CNBD1: variants seen among roughly 807,000 people sequenced by gnomAD.
The protein encoded by CNBD1 is cyclic nucleotide-binding domain-containing protein 1.
CNBD1 carries 71 observed loss-of-function variants against 54.4 expected under a neutral mutation model. The observed-to-expected ratio is 1.30, with a 90% CI of 1.08 to 1.59. The LOEUF (loss-of-function observed/expected upper bound fraction) is 1.59. Ranked by LOEUF, CNBD1 falls within the 40% of genes most tolerant of loss-of-function variation. CNBD1 has a pLI of 0.00. For missense variants in CNBD1, 659 were observed against 518.0 expected (o/e 1.27, Z -2.64); for synonymous variants, 182 against 170.7 (o/e 1.07, Z -0.51).
At position 86,984,552 on chromosome 8, in the gene CNBD1, A is replaced by G. The variant is rs912583316; in HGVS notation, c.431+44798A>G. 4.6e-5 allele frequency among the ~76,000 whole-genome samples: 7 copies of G among 152,312 alleles called. No homozygotes were observed. The East Asian group carries it at 1.4e-3, about 29-fold the overall frequency. ...GCCAAGAGGGGGCTTATACCCTGCA[A>G]AGCCATAGGGACAGAGCTGCTCAAG... On this transcript the variant is annotated intron_variant, in intron 4 of 10. Coordinates refer to ENST00000518476, the MANE Select transcript of CNBD1 (RefSeq NM_173538.3).
intron 8 of CNBD1, among the ~76,000 whole-genome samples, chr8:87,323,725 A>G (rs1196760024): frequency 1.5e-5 from 2 of 132,114 alleles, no homozygotes; most frequent in Admixed American, 7.4e-5. Flanking sequence ...GGTTTTCTAG[A>G]TAAACAATCA....
intron 4 of CNBD1, among the ~76,000 whole-genome samples, chr8:87,099,288 A>G (rs551545198): frequency 1.1e-4 from 16 of 152,290 alleles, no homozygotes; most frequent in Non-Finnish European, 2.2e-4. Context: ...AAAGAGCCTG[A>G]GATGTCACCA....
At chr8:86,994,507 A>G (rs917531729) in intron 4 of CNBD1, among the ~76,000 whole-genome samples, 14 of 152,228 alleles carry the variant, frequency 9.2e-5, no homozygotes, top group Admixed American at 7.9e-4. Context: ...CTCTGGCTCC[A>G]TCTGTCTCTG....
At chr8:87,365,991 TA>T (rs1810634045) in intron 10 of CNBD1, among the ~76,000 whole-genome samples, 1 of 152,106 alleles carries the variant, frequency 6.6e-6, no homozygotes, top group South Asian at 2.1e-4. Flanking sequence ...AAATCATTTT[TA>T]GTTGCCAAAT....
At chr8:86,999,894 A>G (rs1235485503) in intron 4 of CNBD1, among the ~76,000 whole-genome samples, 1 of 152,220 alleles carries the variant, frequency 6.6e-6, no homozygotes, top group African/African-American at 2.4e-5. Flanking sequence ...CCAGGGGCAC[A>G]GTTGCTTAGC....
chr8:87,395,109 G>A (rs1811385881), intron 2 of CNBD1, among the ~76,000 whole-genome samples: 2 of 151,756 alleles, frequency 1.3e-5, no homozygotes, highest in Non-Finnish European at 2.9e-5. Context: ...TTTGAACTAG[G>A]CAAATATGAC....
intron 6 of CNBD1, among the ~76,000 whole-genome samples, chr8:87,279,734 A>G (rs1434932159): frequency 2.0e-5 from 3 of 151,142 alleles, no homozygotes; most frequent in Non-Finnish European, 1.5e-5. Flanking sequence ...ATATATATGT[A>G]TAAATATAAC....
chr8:87,086,995 G>A (rs1429617087), intron 4 of CNBD1, among the ~76,000 whole-genome samples: 2 of 151,654 alleles, frequency 1.3e-5, no homozygotes, highest in African/African-American at 4.8e-5. Flanking sequence ...TTGAACCAGA[G>A]GTTTATAATG....
intron 2 of CNBD1, among the ~76,000 whole-genome samples, chr8:87,393,437 A>G (rs1429898154): frequency 6.6e-6 from 1 of 151,984 alleles, no homozygotes; most frequent in African/African-American, 2.4e-5. Context: ...GCACTAAATT[A>G]TTATTAGTCA....
intron 2 of CNBD1, among the ~76,000 whole-genome samples, chr8:86,894,254 G>A (rs956664092): frequency 6.7e-5 from 10 of 149,136 alleles, no homozygotes; most frequent in African/African-American, 2.0e-4. Context: ...GTAGAGACGG[G>A]GTTTCACCTT....
In CNBD1 at chr8:87,036,686, G is replaced by A. The variant is rs548057780; in HGVS notation, c.431+96932G>A. On this transcript the variant is annotated intron_variant, in intron 4 of 10. Coordinates refer to ENST00000518476, the MANE Select transcript of CNBD1 (RefSeq NM_173538.3). ...TCATACAATTTTTGTTTTTCCTGGAGATAATAAGTACTTTTCATTTATTCA... is the reference window on the plus strand; with the variant it reads ...TCATACAATTTTTGTTTTTCCTGGAAATAATAAGTACTTTTCATTTATTCA... Among the ~76,000 whole-genome samples, 13 of 150,428 alleles carry A rather than the reference G, an allele frequency of 8.6e-5. No homozygotes were observed. The South Asian group carries it at 2.3e-3, about 27-fold the overall frequency.
At chr8:87,420,987 T>C (rs940030996) in intron 2 of CNBD1, among the ~76,000 whole-genome samples, 1 of 151,944 alleles carries the variant, frequency 6.6e-6, no homozygotes, top group African/African-American at 2.4e-5. Context: ...CAAACACAGG[T>C]TGGGAAAGAT....
intron 4 of CNBD1, among the ~76,000 whole-genome samples, chr8:87,069,730 C>G (rs999680542): frequency 1.2e-4 from 19 of 152,124 alleles, no homozygotes; most frequent in African/African-American, 4.6e-4. Flanking sequence ...TCCACCTTGT[C>G]TTTTTCTTGT....
chr8:87,267,030 G>A (rs373620173), intron 6 of CNBD1, among the ~76,000 whole-genome samples: 1 of 152,080 alleles, frequency 6.6e-6, no homozygotes, highest in Non-Finnish European at 1.5e-5. Flanking sequence ...AAAATCAGCA[G>A]CCATTTGTTC....
At chr8:87,289,992 TATTA>T (rs1563539503) in intron 8 of CNBD1, among the ~76,000 whole-genome samples, 1 of 152,138 alleles carries the variant, frequency 6.6e-6, no homozygotes, top group African/African-American at 2.4e-5. Flanking sequence ...TAGTGTAGCA[TATTA>T]ATTCTTTTAA....
chr8:87,335,279 A>C (rs1165701324), intron 8 of CNBD1, among the ~76,000 whole-genome samples: 2 of 152,020 alleles, frequency 1.3e-5, no homozygotes, highest in African/African-American at 2.4e-5. Flanking sequence ...CTGTCTTGTT[A>C]ATCTGTCTAA....
At chr8:87,263,180 GT>G (rs1263689496) in intron 6 of CNBD1, among the ~76,000 whole-genome samples, 1 of 152,022 alleles carries the variant, frequency 6.6e-6, no homozygotes, top group Non-Finnish European at 1.5e-5. Context: ...TAAAAATAAT[GT>G]TTATATTTAC....
chr8:87,345,467 G>A (rs916296757), intron 8 of CNBD1, among the ~76,000 whole-genome samples: 1 of 152,028 alleles, frequency 6.6e-6, no homozygotes. Context: ...ACTTGACTTC[G>A]TTTATTTTGA....
chr8:87,250,516 C>T (rs371287715), intron 6 of CNBD1, among the ~76,000 whole-genome samples: 4 of 152,086 alleles, frequency 2.6e-5, no homozygotes, highest in Non-Finnish European at 4.4e-5. Context: ...AAGATACATC[C>T]GCACTCCCAT....
Sources: allele counts gnomAD v4.1 joint callset (sites outside exome capture counted in the v4.1 genomes callset), GRCh38; gene constraint gnomAD v4.1.1; transcripts MANE v1.5; gene names NCBI Gene and HGNC (gene_info 2026-07-23, HGNC 2026-07-21).